The following FTO variants were observed in gnomAD, a reference collection of about 807,000 sequenced individuals.
The protein encoded by FTO is alpha-ketoglutarate-dependent dioxygenase FTO.
In FTO, 47 loss-of-function variants were observed where a neutral mutation model predicts 63.9. The ratio of observed to expected loss-of-function variants is 0.74; its 90% CI spans 0.58 to 0.94. FTO has a LOEUF of 0.94. FTO is among the 40% of genes least tolerant of loss of function. The pLI is 0.00. For synonymous variants in FTO, 207 were observed against 224.4 expected (o/e 0.92, Z 0.69); for missense variants, 562 against 618.1 (o/e 0.91, Z 0.96).
intron 1 of FTO, among the ~76,000 whole-genome samples, chr16:53,790,579 C>CAAAAAAAAAAAAA (rs34860208): frequency 5.4e-5 from 3 of 55,194 alleles, no homozygotes; most frequent in African/African-American, 1.5e-4. Context: ...CAAAATAAAG[C>CAAAAAAAAAAAAA]AAAAAAAAAA....
chr16:53,941,028 C>G (rs770717625), intron 8 of FTO, among the ~76,000 whole-genome samples: 2 of 152,130 alleles, frequency 1.3e-5, no homozygotes, highest in East Asian at 1.9e-4. Context: ...GAACTTTGAT[C>G]GGGGCTCAAC....
At chr16:53,782,550 C>T (rs1280487410) in intron 1 of FTO, among the ~76,000 whole-genome samples, 1 of 152,172 alleles carries the variant, frequency 6.6e-6, no homozygotes, top group East Asian at 1.9e-4. Context: ...TTTGCTAATG[C>T]ATCTTTCCTA....
At chr16:54,032,904 C>T (rs1422169209) in intron 8 of FTO, among the ~76,000 whole-genome samples, 1 of 151,944 alleles carries the variant, frequency 6.6e-6, no homozygotes, top group Non-Finnish European at 1.5e-5. Flanking sequence ...ATCTCCCTCC[C>T]CTCCACTCGA....
chr16:53,800,005 C>T (rs936401454), intron 1 of FTO, among the ~76,000 whole-genome samples: 6 of 151,492 alleles, frequency 4.0e-5, no homozygotes, highest in Admixed American at 1.3e-4. Context: ...TTTTCTATTT[C>T]ATTGATTTCT....
chr16:54,047,099 A>T (rs1205205108), intron 8 of FTO, among the ~76,000 whole-genome samples: 1 of 131,258 alleles, frequency 7.6e-6, no homozygotes, highest in African/African-American at 2.9e-5. Flanking sequence ...ACAAAAGCCA[A>T]AATTGACAAA....
At chr16:53,725,663 T>C (rs2076135826) in intron 1 of FTO, among the ~76,000 whole-genome samples, 1 of 152,186 alleles carries the variant, frequency 6.6e-6, no homozygotes, top group Admixed American at 6.5e-5. Context: ...CATATAAGCT[T>C]TGATAGTGGG....
rs146745185 is a variant in FTO, at chr16:53,912,615, G to A, written c.1240-21370G>A. On this transcript the variant is annotated intron_variant, in intron 7 of 8. Coordinates refer to ENST00000471389, the MANE Select transcript of FTO (RefSeq NM_001080432.3). The stretch of plus-strand genomic sequence containing the variant: ...TAGAATCATCATCAACAGATTGCAT[G>A]GGGAATGTTGAGGTTGGAGCCTCTT... 5.3e-5 allele frequency among the ~76,000 whole-genome samples: 8 copies of A among 152,276 alleles called. No homozygotes were observed. The East Asian group carries it at 1.5e-3, about 29-fold the overall frequency.
intron 8 of FTO, among the ~76,000 whole-genome samples, chr16:53,999,242 A>G (rs1215944208): frequency 1.3e-5 from 2 of 152,240 alleles, no homozygotes; most frequent in African/African-American, 4.8e-5. Context: ...ACCCAAGACC[A>G]AAACCTGTCA....
chr16:53,921,168 T>C (rs1319584215), intron 7 of FTO, among the ~76,000 whole-genome samples: 1 of 152,346 alleles, frequency 6.6e-6, no homozygotes, highest in Non-Finnish European at 1.5e-5. Flanking sequence ...GTCTCACTTG[T>C]TAGGGACTGA....
chr16:53,815,939 G>A (rs533135166), intron 2 of FTO, among the ~76,000 whole-genome samples: 10 of 152,114 alleles, frequency 6.6e-5, no homozygotes, highest in African/African-American at 2.4e-4. Context: ...GTGAGCCACT[G>A]CACCCAGCTG....
chr16:53,769,379 G>T (rs973323432), intron 1 of FTO, among the ~76,000 whole-genome samples: 2 of 152,028 alleles, frequency 1.3e-5, no homozygotes, highest in African/African-American at 4.8e-5. Flanking sequence ...AACTTTGGGC[G>T]GGGTACTTAA....
chr16:54,033,415 A>G (rs1007544492), intron 8 of FTO, among the ~76,000 whole-genome samples: 2 of 152,238 alleles, frequency 1.3e-5, no homozygotes, highest in African/African-American at 2.4e-5. Context: ...GCAAAAAAAT[A>G]AAAACACTGT....
At chr16:53,971,834 C>T (rs1312036089) in intron 8 of FTO, among the ~76,000 whole-genome samples, 1 of 152,172 alleles carries the variant, frequency 6.6e-6, no homozygotes, top group Non-Finnish European at 1.5e-5. Context: ...ATGTTTTTGG[C>T]AGAAGCCATC....
chr16:53,997,484 T>C (rs373038862), intron 8 of FTO, among the ~76,000 whole-genome samples: 28 of 150,444 alleles, frequency 1.9e-4, no homozygotes, highest in Non-Finnish European at 3.2e-4. Flanking sequence ...AATCAGGAAA[T>C]GTTTCCTGGC....
intron 2 of FTO, among the ~76,000 whole-genome samples, chr16:53,818,471 A>G (rs1455952711): frequency 6.6e-6 from 1 of 152,168 alleles, no homozygotes; most frequent in African/African-American, 2.4e-5. Flanking sequence ...AAGAAATGTC[A>G]TGAAAATTAA....
intron 8 of FTO, among the ~76,000 whole-genome samples, chr16:54,027,242 C>A (rs7500983): frequency 0.76 from 115,149 of 152,084 alleles, 43,946 homozygotes; most frequent in East Asian, 0.98. Context: ...CCTCTGACTG[C>A]CCCAGCAACC....
intron 8 of FTO, among the ~76,000 whole-genome samples, chr16:54,107,793 C>A (rs191501989): frequency 2.0e-5 from 3 of 152,334 alleles, no homozygotes; most frequent in South Asian, 2.1e-4. Context: ...ACAGGACCCA[C>A]CCCTTGCTGG....
chr16:54,115,591 G>T lies in FTO; in HGVS notation c.*3676G>T, dbSNP rs2086968949. ...AGCTTCCCAGGAAAGGGGACGGCGG[G>T]CCCAGGCAGGAGAGCCTTGGGAGGG... On this transcript the variant is annotated 3_prime_UTR_variant, in exon 9 of 9. Coordinates refer to ENST00000471389, the MANE Select transcript of FTO (RefSeq NM_001080432.3). The T allele has an allele frequency of 6.6e-6, 1 of 152,312 alleles. No homozygotes were observed. The highest frequency in any genetic ancestry group is 1.5e-5 in the Non-Finnish European group (1 of 68,216). 9.4% of individuals were successfully genotyped at this position (152,312 alleles called of 1,614,324 possible).
At chr16:54,097,754 G>A (rs905060631) in intron 8 of FTO, among the ~76,000 whole-genome samples, 5 of 152,104 alleles carry the variant, frequency 3.3e-5, no homozygotes, top group South Asian at 2.1e-4. Flanking sequence ...ACACACACAC[G>A]CACACACAAA....
Sources: allele counts gnomAD v4.1 joint callset (sites outside exome capture counted in the v4.1 genomes callset), GRCh38; gene constraint gnomAD v4.1.1; transcripts MANE v1.5; gene names NCBI Gene and HGNC (gene_info 2026-07-23, HGNC 2026-07-21).